The following TBCA variants were observed in gnomAD, a reference collection of about 807,000 sequenced individuals.
The protein encoded by TBCA is tubulin folding cofactor A.
TBCA carries 6 observed loss-of-function variants against 15.8 expected under a neutral mutation model. That is an observed-to-expected ratio of 0.38 (90% CI 0.21 to 0.75). The LOEUF (loss-of-function observed/expected upper bound fraction) is 0.75. Ranked by LOEUF, TBCA falls within the 30% of genes least tolerant of loss-of-function variation. TBCA has a pLI of 0.46. For synonymous variants in TBCA, 32 were observed against 42.3 expected (o/e 0.76, Z 0.94); for missense variants, 90 against 131.2 (o/e 0.69, Z 1.53).
In TBCA at chr5:77,738,248, T is replaced by C. The variant is rs563242234; in HGVS notation, c.54-29901A>G. On this transcript the variant is annotated intron_variant, in intron 1 of 3. Coordinates refer to ENST00000380377, the MANE Select transcript of TBCA (RefSeq NM_004607.3). ...TCCCTTCTAAATTTAGCATGTATAT[T>C]GCAGTGCTGCTTACTTGGCAGACTC... Among the ~76,000 whole-genome samples the C allele has an allele frequency of 3.9e-5, 6 of 152,348 alleles. No individual in the cohort carries two copies. In the East Asian group the frequency reaches 1.2e-3, roughly 29 times the overall value.
intron 1 of TBCA, among the ~76,000 whole-genome samples, chr5:77,749,325 T>C (rs893417918): frequency 3.9e-5 from 6 of 152,362 alleles, no homozygotes; most frequent in Non-Finnish European, 7.4e-5. Context: ...ATTATATGCG[T>C]AATAATACTG....
intron 1 of TBCA, among the ~76,000 whole-genome samples, chr5:77,732,443 C>T (rs370485797): frequency 6.7e-6 from 1 of 149,300 alleles, no homozygotes; most frequent in South Asian, 2.1e-4. Flanking sequence ...CCCAGCTACT[C>T]GGGAGGCTGA....
chr5:77,734,849 C>A (rs565142932), intron 1 of TBCA, among the ~76,000 whole-genome samples: 4 of 152,174 alleles, frequency 2.6e-5, no homozygotes, highest in Non-Finnish European at 5.9e-5. Flanking sequence ...GCCACAGCCA[C>A]CCCATCCTTC....
intron 1 of TBCA, among the ~76,000 whole-genome samples, chr5:77,752,911 C>T (rs1483896584): frequency 6.6e-6 from 1 of 152,104 alleles, no homozygotes; most frequent in Non-Finnish European, 1.5e-5. Flanking sequence ...AGGCTAGTCT[C>T]AAACTACTGA....
intron 1 of TBCA, among the ~76,000 whole-genome samples, chr5:77,762,602 C>T (rs1376582783): frequency 2.0e-5 from 3 of 152,108 alleles, no homozygotes; most frequent in Non-Finnish European, 4.4e-5. Flanking sequence ...TACCATAAGT[C>T]TAATTAACAA....
rs548586494 is a variant in TBCA, at chr5:77,775,950, C to A, written c.53+255G>T. ...CCACCGCGGGCGCCGAGAAACCGGG[C>A]CACCGCCGACTCTTCCGGCAAATCA... On this transcript the variant is annotated intron_variant, in intron 1 of 3. Coordinates refer to ENST00000380377, the MANE Select transcript of TBCA (RefSeq NM_004607.3). Among the ~76,000 whole-genome samples, 3 of 152,290 alleles carry A rather than the reference C, an allele frequency of 2.0e-5. No homozygotes were observed. The South Asian group carries it at 6.2e-4, about 32-fold the overall frequency.
intron 1 of TBCA, among the ~76,000 whole-genome samples, chr5:77,719,449 C>T (rs187576192): frequency 1.3e-5 from 2 of 152,078 alleles, no homozygotes; most frequent in East Asian, 1.9e-4. Context: ...TTCCCACCAC[C>T]GGAAGCAACA....
chr5:77,741,451 C>T (rs968424789), intron 1 of TBCA, among the ~76,000 whole-genome samples: 2 of 151,860 alleles, frequency 1.3e-5, no homozygotes, highest in Non-Finnish European at 2.9e-5. Flanking sequence ...AGTAGGGGTG[C>T]GATGCAAGTA....
intron 2 of TBCA, among the ~76,000 whole-genome samples, chr5:77,706,823 A>AAG (rs1472482416): frequency 6.6e-6 from 1 of 151,154 alleles, no homozygotes; most frequent in African/African-American, 2.4e-5. Flanking sequence ...AAAAAAAAAA[A>AAG]AAAAAGAAAG....
At chr5:77,771,738 G>T (rs1017546136) in intron 1 of TBCA, among the ~76,000 whole-genome samples, 1 of 152,088 alleles carries the variant, frequency 6.6e-6, no homozygotes, top group Non-Finnish European at 1.5e-5. Flanking sequence ...CATTCAACCT[G>T]CCTGTCCACA....
At chr5:77,771,006 T>C (rs1042183219) in intron 1 of TBCA, among the ~76,000 whole-genome samples, 34 of 152,074 alleles carry the variant, frequency 2.2e-4, no homozygotes, top group Non-Finnish European at 1.5e-5. Flanking sequence ...CGGACACCTG[T>C]AATCCCAGCT....
At chr5:77,743,381 T>C (rs1211270091) in intron 1 of TBCA, among the ~76,000 whole-genome samples, 1 of 152,224 alleles carries the variant, frequency 6.6e-6, no homozygotes, top group Non-Finnish European at 1.5e-5. Context: ...AAGGATTTTA[T>C]CTGGGCAAAT....
chr5:77,736,381 G>A (rs1302761969), intron 1 of TBCA, among the ~76,000 whole-genome samples: 3 of 148,654 alleles, frequency 2.0e-5, no homozygotes, highest in South Asian at 2.1e-4. Context: ...ATCATGAAAC[G>A]ACTAGGAAAC....
chr5:77,691,993 G>A (rs1263067170), intron 3 of TBCA: 3 of 985,678 alleles, frequency 3.0e-6, no homozygotes, highest in African/African-American at 1.7e-5. Context: ...CTTGCTAATG[G>A]GTATTACATA....
chr5:77,705,034 G>A (rs1417802403), intron 2 of TBCA, among the ~76,000 whole-genome samples: 1 of 152,172 alleles, frequency 6.6e-6, no homozygotes, highest in African/African-American at 2.4e-5. Flanking sequence ...TAACTAGTGT[G>A]TGGCTGGTAT....
Position 77,691,338 on chromosome 5 carries a change from A to C in TBCA, c.*80T>G, listed in dbSNP as rs1304476845. The C allele has an allele frequency of 3.3e-6, 4 of 1,203,742 alleles. No individual in the cohort carries two copies. The allele number at this position is 1,203,742 out of a possible 1,614,324, so 74.6% of individuals were successfully genotyped here. On this transcript the variant is annotated 3_prime_UTR_variant, in exon 4 of 4. Transcript: ENST00000380377. ...AATCACATTCTCATACTACTTGAACACATAGCAGTGGTCAAAAATAATGGA... is the reference window on the plus strand; with the variant it reads ...AATCACATTCTCATACTACTTGAACCCATAGCAGTGGTCAAAAATAATGGA...
chr5:77,705,348 A>G (rs1746125761), intron 2 of TBCA, among the ~76,000 whole-genome samples: 1 of 152,216 alleles, frequency 6.6e-6, no homozygotes. Flanking sequence ...AAACAAGCTG[A>G]TGAAGTCCAA....
intron 1 of TBCA, among the ~76,000 whole-genome samples, chr5:77,755,654 T>C (rs1747456850): frequency 6.6e-6 from 1 of 152,124 alleles, no homozygotes; most frequent in South Asian, 2.1e-4. Context: ...GCTGGAGTAT[T>C]AGAAAACCTG....
intron 1 of TBCA, among the ~76,000 whole-genome samples, chr5:77,743,914 C>T (rs1580122490): frequency 6.6e-6 from 1 of 152,162 alleles, no homozygotes; most frequent in Non-Finnish European, 1.5e-5. Flanking sequence ...AAAGAACTTA[C>T]ACTCTAGTGG....
Sources: gnomAD v4.1 joint callset for allele counts (sites outside exome capture counted in the v4.1 genomes callset) on GRCh38, gnomAD v4.1.1 for gene constraint, MANE v1.5 for transcripts, NCBI Gene and HGNC (gene_info 2026-07-23, HGNC 2026-07-21) for gene names.